EOGT: variants seen among roughly 807,000 people sequenced by gnomAD.
The protein encoded by EOGT is EGF domain-specific O-linked N-acetylglucosamine transferase.
Under a neutral mutation model 70.5 loss-of-function variants are expected in EOGT, and 55 were observed. The ratio of observed to expected loss-of-function variants is 0.78; its 90% CI spans 0.63 to 0.98. The LOEUF is 0.98. Among genes scored for constraint, EOGT ranks in the 50% least tolerant of loss-of-function variants. The pLI is 0.00. For missense variants in EOGT, 703 were observed against 641.9 expected, an observed-to-expected ratio of 1.10 and a Z score of -1.03; for synonymous variants, 246 against 217.1, an observed-to-expected ratio of 1.13 and a Z score of -1.17.
intron 14 of EOGT, among the ~76,000 whole-genome samples, chr3:68,984,323 G>A (rs1278481033): frequency 6.6e-6 from 1 of 152,084 alleles, no homozygotes; most frequent in Non-Finnish European, 1.5e-5. Flanking sequence ...AAGAAGATTA[G>A]AATTCTGTTT....
rs561905339 is a variant in EOGT at position 68,984,128 on chromosome 3, C to T, written c.1153-1256G>A. ...AAATCTAGGTCTTCTGACCCCAGAACCTGCGTTCTTAACCAGTGCACTCTA... is the reference window on the plus strand; with the variant it reads ...AAATCTAGGTCTTCTGACCCCAGAATCTGCGTTCTTAACCAGTGCACTCTA... On this transcript the variant is annotated intron_variant, in intron 14 of 17. Transcript: ENST00000383701. Among the ~76,000 whole-genome samples, 102 of 152,248 alleles carry T rather than the reference C, an allele frequency of 6.7e-4. 1 individual carries two copies. Among genetic ancestry groups the T allele is most frequent in the African/African-American group, 2.3e-3 (94 of 41,548 alleles).
chr3:69,009,606 TAA>T, intron 4 of EOGT, 29 bp downstream of exon 4: 3 of 1,568,486 alleles, frequency 1.9e-6, no homozygotes, highest in Non-Finnish European at 2.6e-6. Context: ...TGCATCCTCA[TAA>T]AAATAAGGAG....
At chr3:69,003,860 A>G (rs938138893) in intron 8 of EOGT, among the ~76,000 whole-genome samples, 1 of 152,168 alleles carries the variant, frequency 6.6e-6, no homozygotes, top group Non-Finnish European at 1.5e-5. Flanking sequence ...ATGCTTTTAC[A>G]TACTTTAATA....
chr3:68,991,730 C>G (rs893564546), intron 10 of EOGT, among the ~76,000 whole-genome samples: 12 of 152,060 alleles, frequency 7.9e-5, no homozygotes, highest in Admixed American at 1.3e-4. Flanking sequence ...TCACTTGAGG[C>G]CAGGAGTTCA....
Position 68,977,498 on chromosome 3 carries a change from GT to G in EOGT, c.*119del, listed in dbSNP as rs1381566147. 3 of 1,022,592 alleles carry G rather than the reference GT, an allele frequency of 2.9e-6. No homozygotes were observed. Among genetic ancestry groups the G allele is most frequent in the Non-Finnish European group, 4.4e-6 (3 of 676,508 alleles). 63.3% of individuals were successfully genotyped at this position (1,022,592 alleles called of 1,614,324 possible). A position where few individuals can be genotyped will look rare whatever the true frequency, so the allele number is the denominator to read the frequency against. On this transcript the variant is annotated 3_prime_UTR_variant, in exon 18 of 18. Coordinates refer to ENST00000383701, the MANE Select transcript of EOGT (RefSeq NM_001278689.2). ...ACACATAACAATATCCTGAAGGTAT[GT>G]TTTGGCATAGAAAAGGTAATTCGGG...
At chr3:69,012,239 G>GC (rs760982187) in intron 2 of EOGT, 7 of 152,214 alleles carry the variant, frequency 4.6e-5, no homozygotes, top group Non-Finnish European at 8.8e-5. Flanking sequence ...GGAGGAGGTG[G>GC]CCCACTTTCT....
chr3:69,005,770 G>A (rs894136163), intron 6 of EOGT, among the ~76,000 whole-genome samples: 1 of 152,190 alleles, frequency 6.6e-6, no homozygotes, highest in East Asian at 1.9e-4. Flanking sequence ...GAAAGGAGTC[G>A]AAGAGTCAGC....
intron 15 of EOGT, among the ~76,000 whole-genome samples, chr3:68,982,346 C>T (rs1215127336): frequency 6.6e-6 from 1 of 151,536 alleles, no homozygotes; most frequent in East Asian, 1.9e-4. Flanking sequence ...ATGGTGAAAC[C>T]TCGTCTCTAC....
chr3:69,011,498 A>C (rs962234220), intron 3 of EOGT, among the ~76,000 whole-genome samples: 1 of 149,952 alleles, frequency 6.7e-6, no homozygotes, highest in Non-Finnish European at 1.5e-5. Context: ...TCCCAGCTGA[A>C]GTGGGAGGAT....
At chr3:68,984,319 A>G (rs535197676) in intron 14 of EOGT, among the ~76,000 whole-genome samples, 2 of 152,240 alleles carry the variant, frequency 1.3e-5, no homozygotes, top group South Asian at 2.1e-4. Flanking sequence ...GGGTAAGAAG[A>G]TTAGAATTCT....
Position 69,008,462 on chromosome 3 carries a change from C to T in EOGT, c.277G>A (p.Gly93Ser), listed in dbSNP as rs764099498. 6.2e-7 allele frequency: 1 copy of T among 1,614,092 alleles called. No homozygotes were observed. Among genetic ancestry groups the T allele is most frequent in the East Asian group, 2.2e-5 (1 of 44,866 alleles). The change falls in exon 5 of 18, where the codon GGT becomes AGT. Residue 93 changes from glycine to serine, a missense_variant. Physicochemically the swap from Gly to Ser is moderately conservative, Grantham distance 56. Transcript: ENST00000383701. ...TCGACATAGCTGCAAACTGGGTAAC[C>T]AAACCTGAACTCTGGTTTGCAGGAT... ...EKSCKPEFRFGYPVCSYVDMG... is the reference protein window; with the variant it reads ...EKSCKPEFRFSYPVCSYVDMG...
rs1425073414 is a variant in EOGT, at chr3:68,988,538, T to C, written c.964A>G (p.Met322Val). ...GTATTATAGAACAGCCCATACCTCA[T>C]GCGGGGGAGTAATGAAAAAACAGCT... ...KEAVFSLLPR[M>V]RYGLFYNTPL... Residue 322 changes from methionine (M) to valine (V), a missense_variant, in exon 12 of 18, where the codon ATG becomes GTG. Physicochemically the swap from Met to Val is conservative, Grantham distance 21 (BLOSUM62 1). Coordinates refer to ENST00000383701, the MANE Select transcript of EOGT (RefSeq NM_001278689.2). 1.3e-6 allele frequency: 2 copies of C among 1,533,610 alleles called. No homozygotes were observed. The highest frequency in any genetic ancestry group is 2.4e-5 in the South Asian group (2 of 83,758).
chr3:69,008,365 G>T, intron 5 of EOGT, 63 bp downstream of exon 5: 1 of 1,098,606 alleles, frequency 9.1e-7, no homozygotes, highest in South Asian at 1.3e-5. Context: ...GGAAATTAGG[G>T]CATCAACATA....
intron 2 of EOGT, chr3:69,012,289 G>C (rs992229317): frequency 1.3e-5 from 2 of 152,234 alleles, no homozygotes; most frequent in African/African-American, 4.8e-5. Flanking sequence ...ATACTTAGTG[G>C]ATCAAACATT....
intron 8 of EOGT, 47 bp downstream of exon 8, chr3:69,004,330 TA>T: frequency 7.1e-7 from 1 of 1,411,028 alleles, no homozygotes. Context: ...GCAAGTGCCG[TA>T]AATAAAGGCA....
At chr3:68,983,982 C>G (rs1377009281) in intron 14 of EOGT, among the ~76,000 whole-genome samples, 2 of 152,040 alleles carry the variant, frequency 1.3e-5, no homozygotes, top group African/African-American at 4.8e-5. Context: ...AAAAAACATA[C>G]CAAATATCAT....
Position 69,009,712 on chromosome 3 carries a change from C to T in EOGT, c.135G>A (p.Glu45=). Residue 45 remains glutamate, a synonymous_variant, in exon 4 of 18, where the codon GAG becomes GAA. Coordinates refer to ENST00000383701, the MANE Select transcript of EOGT (RefSeq NM_001278689.2). Reference sequence around the variant, plus strand: ...TGTTGTGCAAAAAGAAGGGAATGTGCTCCTCTGGCAAGCGGATGCTGGCAT... The same window carrying T: ...TGTTGTGCAAAAAGAAGGGAATGTGTTCCTCTGGCAAGCGGATGCTGGCAT... The part of the protein sequence containing the change: ...YNYASIRLPE[E]HIPFFLHNNR... 6.2e-7 allele frequency: 1 copy of T among 1,614,030 alleles called. No homozygotes were observed. Among genetic ancestry groups the T allele is most frequent in the Non-Finnish European group, 8.5e-7 (1 of 1,180,006 alleles).
chr3:68,994,746 G>T (rs138031164), intron 10 of EOGT, among the ~76,000 whole-genome samples: 2 of 152,050 alleles, frequency 1.3e-5, no homozygotes, highest in African/African-American at 4.8e-5. Context: ...AGGCAAGATC[G>T]CGACACTGCA....
rs1171845907 is a variant in EOGT at position 69,007,778 on chromosome 3, C to T, written c.355G>A (p.Ala119Thr). 1 of 1,613,210 alleles carries T rather than the reference C, an allele frequency of 6.2e-7. No homozygotes were observed. Among genetic ancestry groups the T allele is most frequent in the Non-Finnish European group, 8.5e-7 (1 of 1,179,484 alleles). The change falls in exon 6 of 18, where the codon GCT becomes ACT. Residue 119 changes from alanine (A) to threonine (T), a missense_variant. By Grantham distance (58) the Ala-to-Thr change is moderately conservative (BLOSUM62 0). Coordinates refer to ENST00000383701, the MANE Select transcript of EOGT (RefSeq NM_001278689.2). ...CTCTCTCTGGCATATCCAAAGTCAGCTTGTTTCCAAAATATGTCCTCAGCT... is the reference window on the plus strand; with the variant it reads ...CTCTCTCTGGCATATCCAAAGTCAGTTTGTTTCCAAAATATGTCCTCAGCT... The part of the protein sequence containing the change: ...ESAEDIFWKQ[A>T]DFGYARERLE...
Sources: gnomAD v4.1 joint callset for allele counts (sites outside exome capture counted in the v4.1 genomes callset) on GRCh38, gnomAD v4.1.1 for gene constraint, MANE v1.5 for transcripts, NCBI Gene and HGNC (gene_info 2026-07-23, HGNC 2026-07-21) for gene names.